The following PIEZO1 variants were observed in gnomAD, a reference collection of about 807,000 sequenced individuals.
The protein encoded by PIEZO1 is piezo-type mechanosensitive ion channel component 1.
A neutral mutation model predicts 297.2 loss-of-function variants in PIEZO1; 296 were observed. The ratio of observed to expected loss-of-function variants is 1.00; its 90% confidence interval spans 0.91 to 1.10. The LOEUF is 1.10. PIEZO1 is among the 50% of genes least tolerant of loss of function. The pLI is 0.00. For synonymous variants in PIEZO1, 2,427 were observed against 1,507.5 expected (o/e 1.61, Z -14.13); for missense variants, 5,018 against 3,455.5 (o/e 1.45, Z -11.34).
chr16:88,760,623 G>T (rs901745505), intron 1 of PIEZO1, among the ~76,000 whole-genome samples: 3 of 151,866 alleles, frequency 2.0e-5, no homozygotes, highest in Admixed American at 6.6e-5. Flanking sequence ...GGACAGGCAG[G>T]GGCCCGAGGG....
chr16:88,734,130 T>C, intron 16 of PIEZO1, 76 bp from the exon 17 acceptor site: 2 of 1,443,992 alleles, frequency 1.4e-6, no homozygotes, highest in Non-Finnish European at 1.8e-6. Context: ...AGAAGCCCTG[T>C]CGGCACCGCT....
rs146557869 is a variant in PIEZO1, at chr16:88,724,470, G to T, written c.4235-499C>A. On this transcript the variant is annotated intron_variant, in intron 30 of 50. Transcript: ENST00000301015. The stretch of plus-strand genomic sequence containing the variant: ...CCTTTGAACCTGGGAGGTGGGGGTT[G>T]TAGTGAGCCGCAATCACGCCATTGC... Among the ~76,000 whole-genome samples, 78 of 151,104 alleles carry T rather than the reference G, an allele frequency of 5.2e-4. No homozygotes were observed. The East Asian group carries it at 0.011, about 21-fold the overall frequency.
intron 21 of PIEZO1, among the ~76,000 whole-genome samples, 157 bp from the exon 22 acceptor site, chr16:88,732,067 G>A (rs1904884141): frequency 1.6e-5 from 2 of 125,710 alleles, no homozygotes; most frequent in Admixed American, 8.5e-5. Flanking sequence ...GAGGGCAGGA[G>A]TGGCTGGCAG....
chr16:88,767,848 G>A (rs536668101), intron 1 of PIEZO1, among the ~76,000 whole-genome samples: 1 of 152,146 alleles, frequency 6.6e-6, no homozygotes, highest in Admixed American at 6.5e-5. Context: ...GGGGACTCAA[G>A]CCAGCTTCCA....
In PIEZO1 at chr16:88,715,718, A is replaced by AGAT. The variant is rs1567655707; in HGVS notation, c.7450_7452dup (p.Ile2484dup). 1 of 1,550,398 alleles carries AGAT rather than the reference A, an allele frequency of 6.4e-7. No individual in the cohort carries two copies. The highest frequency in any genetic ancestry group is 8.7e-7 in the Non-Finnish European group (1 of 1,146,922). On this transcript the variant is annotated inframe_insertion, in exon 51 of 51. Transcript: ENST00000301015. ...AGCTCCCGAGTCTCCCGCACCAGGA[A>AGAT]GATGTCCTGGCAGAGCTTGAGGATG...
intron 5 of PIEZO1, 179 bp downstream of exon 5, chr16:88,741,299 C>A (rs529306514): frequency 1.7e-6 from 1 of 593,598 alleles, no homozygotes; most frequent in Non-Finnish European, 2.9e-6. Flanking sequence ...CAGGTCTGAA[C>A]GGATGGAACT....
intron 1 of PIEZO1, among the ~76,000 whole-genome samples, chr16:88,780,136 C>T (rs1350415824): frequency 1.3e-5 from 2 of 152,192 alleles, no homozygotes; most frequent in African/African-American, 2.4e-5. Context: ...CCCCGTCCTC[C>T]CAGTGACCCT....
At chr16:88,777,946 C>T (rs1281198828) in intron 1 of PIEZO1, among the ~76,000 whole-genome samples, 4 of 152,260 alleles carry the variant, frequency 2.6e-5, no homozygotes, top group African/African-American at 7.2e-5. Flanking sequence ...AGGCGGCCTC[C>T]GCAAACCTGC....
At chr16:88,761,298 C>T (rs1906921969) in intron 1 of PIEZO1, among the ~76,000 whole-genome samples, 1 of 152,222 alleles carries the variant, frequency 6.6e-6, no homozygotes, top group Non-Finnish European at 1.5e-5. Flanking sequence ...ACAGAGGCTG[C>T]AGGAGGGGAG....
At chr16:88,730,031 G>A (rs369191643) in intron 22 of PIEZO1, among the ~76,000 whole-genome samples, 14 of 152,386 alleles carry the variant, frequency 9.2e-5, no homozygotes, top group Admixed American at 6.5e-4. Flanking sequence ...CCTAGGTGAC[G>A]CTTGATAGCA....
intron 44 of PIEZO1, 193 bp downstream of exon 44, chr16:88,719,381 C>A: frequency 1.7e-6 from 1 of 599,694 alleles, no homozygotes; most frequent in Admixed American, 2.9e-5. Context: ...CTTCTGCGCC[C>A]AGCACTCACT....
At position 88,721,626 on chromosome 16, in the gene PIEZO1, C is replaced by T. The variant is rs533041582; in HGVS notation, c.5315G>A (p.Arg1772His). The T allele has an allele frequency of 5.2e-6, 8 of 1,550,106 alleles. No individual in the cohort carries two copies. The highest frequency in any genetic ancestry group is 1.7e-4 in the Middle Eastern group (1 of 5,984). The change falls in exon 38 of 51, where the codon CGC (arginine) becomes CAC (histidine). Residue 1772 changes from arginine to histidine, a missense_variant. Transcript: ENST00000301015. The stretch of plus-strand genomic sequence containing the variant: ...GTCAGTCTTCTCCAGGCCCAGGATG[C>T]GGGGCGGGAAGTAGGGCTTGTTCTC... ...RYENKPYFPP[R>H]ILGLEKTDGY...
rs1360055815 is a variant in PIEZO1, at chr16:88,727,563, G to A, written c.3295C>T (p.Leu1099Phe). 1 of 1,447,354 alleles carries A rather than the reference G, an allele frequency of 6.9e-7. No homozygotes were observed. The highest frequency in any genetic ancestry group is 9.4e-7 in the Non-Finnish European group (1 of 1,062,780). 89.7% of individuals were successfully genotyped at this position (1,447,354 alleles called of 1,614,324 possible). A position where few individuals can be genotyped will look rare whatever the true frequency, so the allele number is the denominator to read the frequency against. Residue 1099 changes from leucine (L) to phenylalanine (F), a missense_variant, in exon 23 of 51, where the codon CTC (leucine) becomes TTC (phenylalanine). Coordinates refer to ENST00000301015, the MANE Select transcript of PIEZO1 (RefSeq NM_001142864.4). ...GGTGGTGGGGGGCACTCACTGATGAGGTTGGTGGAGTTGGGGGCCCGGAAG... is the reference window on the plus strand; with the variant it reads ...GGTGGTGGGGGGCACTCACTGATGAAGTTGGTGGAGTTGGGGGCCCGGAAG... ...DFFRAPNSTN[L>F]ISDFLLLLCA...
intron 1 of PIEZO1, among the ~76,000 whole-genome samples, chr16:88,749,926 G>T (rs1392648562): frequency 6.6e-6 from 1 of 152,054 alleles, no homozygotes; most frequent in African/African-American, 2.4e-5. Flanking sequence ...TACTCGGGAG[G>T]CTGAGGCAGA....
chr16:88,732,855 C>T, intron 19 of PIEZO1, 123 bp from the exon 20 acceptor site: 2 of 1,028,798 alleles, frequency 1.9e-6, no homozygotes, highest in East Asian at 2.6e-5. Flanking sequence ...GACACGGGGG[C>T]TGCCAGCCTT....
intron 22 of PIEZO1, chr16:88,731,333 C>A: frequency 4.2e-6 from 1 of 238,838 alleles, no homozygotes; most frequent in Non-Finnish European, 8.2e-6. Flanking sequence ...GCTCAGACAC[C>A]CTCACCCAGG....
At chr16:88,776,408 A>C (rs113278034) in intron 1 of PIEZO1, among the ~76,000 whole-genome samples, 1 of 151,848 alleles carries the variant, frequency 6.6e-6, no homozygotes, top group Non-Finnish European at 1.5e-5. Flanking sequence ...CACTCCAGCC[A>C]GGGCGACAGA....
intron 22 of PIEZO1, among the ~76,000 whole-genome samples, chr16:88,730,329 C>T (rs764273385): frequency 4.7e-5 from 7 of 149,628 alleles, no homozygotes; most frequent in Non-Finnish European, 1.0e-4. Flanking sequence ...TGGCAGCTCA[C>T]GCCTGTAATC....
chr16:88,725,167 T>C (rs1241656495), intron 29 of PIEZO1, 87 bp from the exon 30 acceptor site: 2 of 948,918 alleles, frequency 2.1e-6, no homozygotes, highest in Non-Finnish European at 3.1e-6. Flanking sequence ...GGAGACAGGA[T>C]AGGTGGAGAC....
Sources: allele counts gnomAD v4.1 joint callset (sites outside exome capture counted in the v4.1 genomes callset), GRCh38; gene constraint gnomAD v4.1.1; transcripts MANE v1.5; gene names NCBI Gene and HGNC (gene_info 2026-07-23, HGNC 2026-07-21).